The following CRTC1 variants were observed in gnomAD, a reference collection of about 807,000 sequenced individuals.
CRTC1 encodes CREB regulated transcription coactivator 1.
CRTC1 carries 18 observed loss-of-function variants against 66.1 expected under a neutral mutation model. That is an observed-to-expected ratio of 0.27 (90% confidence interval 0.19 to 0.40). CRTC1 has a LOEUF of 0.40. Among genes scored for constraint, CRTC1 ranks in the 10% least tolerant of loss-of-function variants. The pLI, the probability that CRTC1 is intolerant of heterozygous loss-of-function variation, is 1.00. For synonymous variants in CRTC1, 416 were observed against 398.8 expected (o/e 1.04, Z -0.51); for missense variants, 669 against 887.9 (o/e 0.75, Z 3.13).
intron 6 of CRTC1, among the ~76,000 whole-genome samples, chr19:18,754,201 C>T (rs2054435338): frequency 6.6e-6 from 1 of 152,166 alleles, no homozygotes; most frequent in African/African-American, 2.4e-5. Flanking sequence ...AGTGAGGCAC[C>T]AGCCTGTGCC....
rs1391844395 is a variant in CRTC1, at chr19:18,771,395, G to A, written c.1321-47G>A. The A allele has an allele frequency of 6.5e-7, 1 of 1,530,272 alleles. No individual in the cohort carries two copies. Among genetic ancestry groups the A allele is most frequent in the Non-Finnish European group, 8.9e-7 (1 of 1,124,474 alleles). 94.8% of individuals were successfully genotyped at this position (1,530,272 alleles called of 1,614,324 possible). ...CCCGGGAAGCAGGGACTGGAGCCCGGGCTTGGGCAGCTGGGCTGCGGCGTG... is the reference window on the plus strand; with the variant it reads ...CCCGGGAAGCAGGGACTGGAGCCCGAGCTTGGGCAGCTGGGCTGCGGCGTG... On this transcript the variant is annotated intron_variant, in intron 10 of 13. Transcript: ENST00000321949. This position sits in a 1 kb window ranked among gnomAD's most constrained non-coding sequence, Gnocchi z 4.6.
chr19:18,697,207 T>G (rs550350068), intron 1 of CRTC1, among the ~76,000 whole-genome samples: 1 of 152,256 alleles, frequency 6.6e-6, no homozygotes, highest in East Asian at 1.9e-4. Flanking sequence ...GGCCGGGGCC[T>G]CCTCCTTGGG....
chr19:18,689,832 C>T (rs563788491), intron 1 of CRTC1, among the ~76,000 whole-genome samples: 1 of 151,634 alleles, frequency 6.6e-6, no homozygotes, highest in East Asian at 2.0e-4. Context: ...TGTATATCTT[C>T]ATTTCTCAGA....
intron 1 of CRTC1, among the ~76,000 whole-genome samples, chr19:18,740,781 A>G (rs1180183648): frequency 6.6e-6 from 1 of 152,130 alleles, no homozygotes; most frequent in Non-Finnish European, 1.5e-5. Flanking sequence ...AGGCGGGTGG[A>G]TCACTTGAGG....
chr19:18,762,547 C>T (rs746781022), intron 8 of CRTC1, among the ~76,000 whole-genome samples: 1 of 152,226 alleles, frequency 6.6e-6, no homozygotes, highest in African/African-American at 2.4e-5. Flanking sequence ...CCGCTTGGCT[C>T]CATCTACATT....
At chr19:18,746,566 C>T (rs1033536246) in intron 3 of CRTC1, among the ~76,000 whole-genome samples, 4 of 151,620 alleles carry the variant, frequency 2.6e-5, no homozygotes, top group African/African-American at 9.7e-5. Flanking sequence ...AGGTTGCTCC[C>T]GGGATCCCCC....
intron 1 of CRTC1, among the ~76,000 whole-genome samples, chr19:18,691,576 G>A (rs2052838398): frequency 6.6e-6 from 1 of 150,994 alleles, no homozygotes; most frequent in South Asian, 2.1e-4. Flanking sequence ...ACAGGGGAGA[G>A]GACCATGTGA....
chr19:18,765,373 C>T, intron 8 of CRTC1, 31 bp from the exon 9 acceptor site: 1 of 1,596,322 alleles, frequency 6.3e-7, no homozygotes, highest in Non-Finnish European at 8.6e-7. Context: ...AGTCTCACAC[C>T]TGCTCTCCCT....
chr19:18,763,095 T>C (rs2054651304), intron 8 of CRTC1, among the ~76,000 whole-genome samples: 1 of 152,156 alleles, frequency 6.6e-6, no homozygotes, highest in Non-Finnish European at 1.5e-5. Flanking sequence ...GCCTACTGTT[T>C]TTAATTTTTT....
At chr19:18,716,220 A>G (rs548004461) in intron 1 of CRTC1, among the ~76,000 whole-genome samples, 195 of 150,288 alleles carry the variant, frequency 1.3e-3, no homozygotes, top group Middle Eastern at 3.5e-3. Flanking sequence ...GAGGGTCATT[A>G]TTGGAGGTGG....
At chr19:18,726,396 A>G (rs1427115231) in intron 1 of CRTC1, among the ~76,000 whole-genome samples, 1 of 152,224 alleles carries the variant, frequency 6.6e-6, no homozygotes, top group Non-Finnish European at 1.5e-5. Flanking sequence ...GGCCAGCTAT[A>G]GGGATGAGGT....
rs1287469381 is a variant in CRTC1 at position 18,759,651 on chromosome 19, G to T, written c.665+60G>T. The T allele has an allele frequency of 1.9e-6, 3 of 1,566,642 alleles. No individual in the cohort carries two copies. In the African/African-American group the frequency reaches 4.1e-5, roughly 21 times the overall value. On this transcript the variant is annotated intron_variant, in intron 7 of 13. Transcript: ENST00000321949. ...TCTGCTGCGCTGCTCCGTCCACCCT[G>T]GGGCATTCTGTCCACTCTCTTGAGG...
chr19:18,718,428 T>C (rs2053553216), intron 1 of CRTC1, among the ~76,000 whole-genome samples: 1 of 152,042 alleles, frequency 6.6e-6, no homozygotes, highest in South Asian at 2.1e-4. Context: ...CCTCCACCTC[T>C]TGGGCTCTGT....
chr19:18,744,477 TACACACACACACAA>T (rs1053143386), intron 2 of CRTC1, among the ~76,000 whole-genome samples: 36 of 148,170 alleles, frequency 2.4e-4, no homozygotes, highest in Non-Finnish European at 1.0e-4. Context: ...CGTCCCTATA[TACACACACACACAA>T]ACACACACAC....
rs566886129 is a variant in CRTC1, at chr19:18,687,486, G to A, written c.126+3658G>A. Among the ~76,000 whole-genome samples the A allele has an allele frequency of 2.0e-5, 3 of 152,270 alleles. No individual in the cohort carries two copies. The South Asian group carries it at 6.2e-4, about 32-fold the overall frequency. Reference sequence around the variant, plus strand: ...GGCAAGCTTATTCCCAGTTTGACTGGCCACTGCACAGTCCAAGTGGCATGT... The same window carrying A: ...GGCAAGCTTATTCCCAGTTTGACTGACCACTGCACAGTCCAAGTGGCATGT... On this transcript the variant is annotated intron_variant, in intron 1 of 13. Coordinates refer to ENST00000321949, the MANE Select transcript of CRTC1 (RefSeq NM_015321.3).
chr19:18,763,861 G>T (rs2054669367), intron 8 of CRTC1, among the ~76,000 whole-genome samples: 1 of 152,340 alleles, frequency 6.6e-6, no homozygotes, highest in African/African-American at 2.4e-5. Context: ...CCTGCTGGAC[G>T]CACGAAGTGG....
chr19:18,746,399 A>G (rs2145744190), intron 3 of CRTC1, among the ~76,000 whole-genome samples: 1 of 152,250 alleles, frequency 6.6e-6, no homozygotes, highest in African/African-American at 2.4e-5. Flanking sequence ...ACCCGGACGC[A>G]TCCAAGGGAG....
rs2055109328 is a variant in CRTC1, at chr19:18,781,821, C to G, written c.*4439C>G. ...TCTGGGCTCCTGGCCAGCACCCCAC[C>G]CCCAGGAGCCAGGGACAGGTGGCAT... On this transcript the variant is annotated 3_prime_UTR_variant, in exon 14 of 14. Transcript: ENST00000321949. 1 of 230,872 alleles carries G rather than the reference C, an allele frequency of 4.3e-6. No homozygotes were observed. The highest frequency in any genetic ancestry group is 1.8e-4 in the South Asian group (1 of 5,522). The allele number at this position is 230,872 out of a possible 1,614,324, so 14.3% of individuals were successfully genotyped here.
chr19:18,749,506 C>T (rs1394377927), intron 4 of CRTC1, among the ~76,000 whole-genome samples: 1 of 152,238 alleles, frequency 6.6e-6, no homozygotes, highest in Non-Finnish European at 1.5e-5. Context: ...CTCAAGTGAT[C>T]CTCTCACCTC....
Sources: allele counts gnomAD v4.1 joint callset (sites outside exome capture counted in the v4.1 genomes callset), GRCh38; gene constraint gnomAD v4.1.1; non-coding constraint Gnocchi (gnomAD v3.1); transcripts MANE v1.5; gene names NCBI Gene and HGNC (gene_info 2026-07-23, HGNC 2026-07-21).